Variants in GMDS observed in about 807,000 individuals in gnomAD.
GMDS encodes the protein GDP-mannose 4,6-dehydratase.
A neutral mutation model predicts 49.9 loss-of-function variants in GMDS; 20 were observed. The observed-to-expected ratio is 0.40, with a 90% CI of 0.28 to 0.58. The LOEUF is 0.58. GMDS is among the 20% of genes least tolerant of loss of function. The probability of loss-of-function intolerance (pLI) is 0.42; values close to 1 mark genes in which losing one functional copy is unlikely to be tolerated. For missense variants in GMDS, 362 were observed against 481.4 expected (o/e 0.75, Z 2.32); for synonymous variants, 177 against 178.6 (o/e 0.99, Z 0.07).
chr6:2,139,928 G>A (rs1581702625), intron 1 of GMDS, among the ~76,000 whole-genome samples: 1 of 152,326 alleles, frequency 6.6e-6, no homozygotes, highest in East Asian at 1.9e-4. Context: ...GATAAATGCT[G>A]CAGATAAACA....
Position 2,094,788 on chromosome 6 carries a change from G to C in GMDS, c.345+20983C>G, listed in dbSNP as rs117384706. Among the ~76,000 whole-genome samples, 76 of 152,194 alleles carry C rather than the reference G, an allele frequency of 5.0e-4. No individual in the cohort carries two copies. In the East Asian group the frequency reaches 0.014, roughly 29 times the overall value. ...AGGCTCCTAGCAAAGGCAGTCATAC[G>C]GAAGCACACATTAACTCTTACATGT... On this transcript the variant is annotated intron_variant, in intron 4 of 10. Transcript: ENST00000380815.
chr6:1,847,885 G>A (rs1757482057), intron 7 of GMDS, among the ~76,000 whole-genome samples: 1 of 152,148 alleles, frequency 6.6e-6, no homozygotes, highest in Non-Finnish European at 1.5e-5. Flanking sequence ...AGGGTGTACT[G>A]TCTAACGGGA....
At chr6:1,970,941 C>T (rs1322083478) in intron 4 of GMDS, among the ~76,000 whole-genome samples, 5 of 134,328 alleles carry the variant, frequency 3.7e-5, no homozygotes, top group African/African-American at 1.1e-4. Context: ...GTCCTACACA[C>T]GTATCCCAGA....
chr6:2,030,232 A>G (rs1768869319), intron 4 of GMDS, among the ~76,000 whole-genome samples: 1 of 152,192 alleles, frequency 6.6e-6, no homozygotes, highest in African/African-American at 2.4e-5. Context: ...AAAGTGGACA[A>G]AGATAATATA....
At chr6:2,172,378 C>T (rs1177537135) in intron 1 of GMDS, among the ~76,000 whole-genome samples, 1 of 152,118 alleles carries the variant, frequency 6.6e-6, no homozygotes, top group Non-Finnish European at 1.5e-5. Flanking sequence ...GTTTGAACTA[C>T]CATTACACTG....
At position 1,921,273 on chromosome 6, in the gene GMDS, G is replaced by C. The variant is rs150323474; in HGVS notation, c.771+8830C>G. The stretch of plus-strand genomic sequence containing the variant: ...ATGTGGTTTAAATCAAACTGAAAAT[G>C]TGATCTAAGAATGCACCCAGTCTCA... On this transcript the variant is annotated intron_variant, in intron 7 of 10. Transcript: ENST00000380815. Among the ~76,000 whole-genome samples, 352 of 152,296 alleles carry C rather than the reference G, an allele frequency of 2.3e-3. 2 individuals carry two copies. Among genetic ancestry groups the C allele is most frequent in the African/African-American group, 7.9e-3 (327 of 41,562 alleles).
At chr6:1,715,633 A>G (rs75323367) in intron 9 of GMDS, among the ~76,000 whole-genome samples, 9,922 of 152,270 alleles carry the variant, frequency 0.065, 1,068 homozygotes, top group African/African-American at 0.23. Flanking sequence ...TATTGAGATC[A>G]GTGGGAAAAT....
intron 4 of GMDS, among the ~76,000 whole-genome samples, chr6:1,990,987 A>G (rs753052062): frequency 5.3e-5 from 8 of 152,130 alleles, no homozygotes; most frequent in Non-Finnish European, 8.8e-5. Context: ...GGATGTTGTA[A>G]TATTAGTCAG....
intron 1 of GMDS, among the ~76,000 whole-genome samples, chr6:2,214,767 A>G (rs1219218710): frequency 1.3e-5 from 2 of 152,176 alleles, no homozygotes; most frequent in East Asian, 3.8e-4. Context: ...CTCCCTCCTC[A>G]GCCTCCCAAA....
chr6:2,222,766 C>T (rs1431916775), intron 1 of GMDS, among the ~76,000 whole-genome samples: 1 of 152,114 alleles, frequency 6.6e-6, no homozygotes, highest in Non-Finnish European at 1.5e-5. Flanking sequence ...ACACGAGCAA[C>T]ATTGAGAAAG....
chr6:2,013,924 C>CAATATATATATATA (rs1767721523), intron 4 of GMDS, among the ~76,000 whole-genome samples: 1 of 51,548 alleles, frequency 1.9e-5, no homozygotes, highest in Admixed American at 2.4e-4. Flanking sequence ...AGGATAAAAA[C>CAATATATATATATA]CATATATATA....
At chr6:1,757,167 CTT>C (rs36116418) in intron 7 of GMDS, among the ~76,000 whole-genome samples, 3 of 152,218 alleles carry the variant, frequency 2.0e-5, no homozygotes, top group Non-Finnish European at 4.4e-5. Flanking sequence ...CTCCATCTAT[CTT>C]TAACATCGTG....
At chr6:1,840,684 G>A (rs763543385) in intron 7 of GMDS, among the ~76,000 whole-genome samples, 1 of 152,184 alleles carries the variant, frequency 6.6e-6, no homozygotes, top group Non-Finnish European at 1.5e-5. Flanking sequence ...CTTCCAAGTG[G>A]AGCACTGAGT....
Position 1,623,966 on chromosome 6 carries a change from G to A in GMDS, c.*203C>T, listed in dbSNP as rs906465114. On this transcript the variant is annotated 3_prime_UTR_variant, in exon 11 of 11. Coordinates refer to ENST00000380815, the MANE Select transcript of GMDS (RefSeq NM_001500.4). The stretch of plus-strand genomic sequence containing the variant: ...GAGGAGGCTTCGACAAACGCAAAGC[G>A]ACCCAAACCCTGGAGGGTCACATCC... 3.4e-5 allele frequency: 18 copies of A among 530,790 alleles called. No individual in the cohort carries two copies. Among genetic ancestry groups the A allele is most frequent in the African/African-American group, 2.6e-4 (13 of 50,874 alleles). The allele number at this position is 530,790 out of a possible 1,614,324, so 32.9% of individuals were successfully genotyped here. A position where few individuals can be genotyped will look rare whatever the true frequency, so the allele number is the denominator to read the frequency against.
chr6:2,078,428 T>C (rs1287839001), intron 4 of GMDS, among the ~76,000 whole-genome samples: 8 of 152,276 alleles, frequency 5.3e-5, no homozygotes, highest in African/African-American at 1.9e-4. Context: ...ATGTTAGTAC[T>C]GCTTTTGCTG....
chr6:1,730,825 C>T (rs1004132561), intron 8 of GMDS, among the ~76,000 whole-genome samples: 1 of 152,086 alleles, frequency 6.6e-6, no homozygotes, highest in African/African-American at 2.4e-5. Flanking sequence ...TTAGGCCCCC[C>T]ACTTTTAAAG....
chr6:1,678,673 G>A (rs1235433631), intron 9 of GMDS, among the ~76,000 whole-genome samples: 3 of 151,992 alleles, frequency 2.0e-5, no homozygotes, highest in African/African-American at 4.8e-5. Context: ...ACAGGATGCC[G>A]GGAAGAATAT....
chr6:2,212,707 TA>T (rs35503764), intron 1 of GMDS, among the ~76,000 whole-genome samples: 18,558 of 113,402 alleles, frequency 0.16, 1,258 homozygotes, highest in African/African-American at 0.21. Context: ...GATTAACTTG[TA>T]AAAAAAAAAA....
chr6:2,017,313 T>A (rs555331780), intron 4 of GMDS, among the ~76,000 whole-genome samples: 4 of 151,078 alleles, frequency 2.6e-5, no homozygotes, highest in South Asian at 4.3e-4. Flanking sequence ...CTTTTTATTT[T>A]TTTTTTTCCC....
Sources: gnomAD v4.1 joint callset for allele counts (sites outside exome capture counted in the v4.1 genomes callset) on GRCh38, gnomAD v4.1.1 for gene constraint, MANE v1.5 for transcripts, NCBI Gene and HGNC (gene_info 2026-07-23, HGNC 2026-07-21) for gene names.